Variants in SLC4A10 observed in about 807,000 individuals in gnomAD.
The protein encoded by SLC4A10 is sodium-driven chloride bicarbonate exchanger.
SLC4A10 carries 42 observed loss-of-function variants against 137.7 expected under a neutral mutation model. The observed-to-expected ratio is 0.30, with a 90% confidence interval of 0.24 to 0.39. The LOEUF is 0.39. SLC4A10 is among the 10% of genes least tolerant of loss of function. The probability of loss-of-function intolerance (pLI) is 1.00; values close to 1 mark genes in which losing one functional copy is unlikely to be tolerated. For synonymous variants in SLC4A10, 474 were observed against 464.1 expected, an observed-to-expected ratio of 1.02 and a Z score of -0.27; for missense variants, 925 against 1,355.0, an observed-to-expected ratio of 0.68 and a Z score of 4.98.
chr2:161,834,957 A>G (rs2058670109), intron 3 of SLC4A10, among the ~76,000 whole-genome samples: 2 of 151,940 alleles, frequency 1.3e-5, no homozygotes. Context: ...TCTAACTGAC[A>G]TCGGTCCATT....
chr2:161,920,505 A>G (rs1298818743), intron 15 of SLC4A10, among the ~76,000 whole-genome samples: 3 of 152,218 alleles, frequency 2.0e-5, no homozygotes, highest in African/African-American at 7.2e-5. Flanking sequence ...AAGGGTTGCA[A>G]AAGAGTTCAC....
intron 11 of SLC4A10, among the ~76,000 whole-genome samples, chr2:161,898,163 A>T (rs920598547): frequency 1.3e-5 from 2 of 152,144 alleles, no homozygotes; most frequent in African/African-American, 4.8e-5. Context: ...GTTCTGTATC[A>T]GCACTGTCCA....
chr2:161,672,839 T>C (rs956948571), intron 1 of SLC4A10, among the ~76,000 whole-genome samples: 26 of 152,196 alleles, frequency 1.7e-4, no homozygotes, highest in African/African-American at 6.3e-4. Context: ...TTTTTGATCT[T>C]TTTCATTTAA....
At chr2:161,652,296 T>C (rs1476796083) in intron 1 of SLC4A10, among the ~76,000 whole-genome samples, 1 of 152,218 alleles carries the variant, frequency 6.6e-6, no homozygotes, top group Non-Finnish European at 1.5e-5. Context: ...TCATGCATAT[T>C]TCTTTTACAC....
At chr2:161,674,669 T>C (rs940291817) in intron 1 of SLC4A10, among the ~76,000 whole-genome samples, 1 of 152,222 alleles carries the variant, frequency 6.6e-6, no homozygotes, top group Non-Finnish European at 1.5e-5. Flanking sequence ...AAGAAATATA[T>C]GCATGGTCTG....
chr2:161,744,610 C>T (rs2048224206), intron 1 of SLC4A10, among the ~76,000 whole-genome samples: 1 of 151,952 alleles, frequency 6.6e-6, no homozygotes, highest in Non-Finnish European at 1.5e-5. Flanking sequence ...TTATTTAAAG[C>T]TACTATGAGG....
intron 4 of SLC4A10, 47 bp downstream of exon 4, chr2:161,839,974 G>A: frequency 6.2e-7 from 1 of 1,601,840 alleles, no homozygotes. Context: ...GAATTTTCAT[G>A]TTACTAGAAA....
rs2041669768 is a variant in SLC4A10 at position 161,688,545 on chromosome 2, A to T, written c.48+63979A>T. ...TTGTTCTCTAAATTTGTTAGGTAAA[A>T]CAATTTCATAATCAATACTATATTT... On this transcript the variant is annotated intron_variant, in intron 1 of 26. Transcript: ENST00000446997. Among the ~76,000 whole-genome samples, 3 of 152,150 alleles carry T rather than the reference A, an allele frequency of 2.0e-5. No individual in the cohort carries two copies. In the East Asian group the frequency reaches 5.8e-4, roughly 29 times the overall value.
At chr2:161,944,847 G>T (rs1013423455) in intron 16 of SLC4A10, among the ~76,000 whole-genome samples, 1 of 151,316 alleles carries the variant, frequency 6.6e-6, no homozygotes, top group African/African-American at 2.4e-5. Context: ...TATTCATAAT[G>T]TCATCAAAAA....
chr2:161,693,669 C>CTTT (rs774199734), intron 1 of SLC4A10, among the ~76,000 whole-genome samples: 36 of 115,212 alleles, frequency 3.1e-4, no homozygotes, highest in South Asian at 5.5e-4. Flanking sequence ...ACAAATTCGA[C>CTTT]TTTTTTTTTT....
At chr2:161,816,503 A>C (rs541258466) in intron 3 of SLC4A10, among the ~76,000 whole-genome samples, 170 of 152,150 alleles carry the variant, frequency 1.1e-3, no homozygotes, top group Non-Finnish European at 1.6e-3. Context: ...TTATACTTTA[A>C]GTTTTAGGGT....
intron 24 of SLC4A10, among the ~76,000 whole-genome samples, chr2:161,975,137 A>G (rs545721123): frequency 7.2e-4 from 109 of 152,338 alleles, no homozygotes; most frequent in African/African-American, 2.6e-3. Flanking sequence ...TATATTCCCT[A>G]GAATTTAAGA....
At chr2:161,844,674 C>T (rs1332411988) in intron 4 of SLC4A10, among the ~76,000 whole-genome samples, 2 of 151,990 alleles carry the variant, frequency 1.3e-5, no homozygotes, top group Non-Finnish European at 2.9e-5. Flanking sequence ...GAGTTAAGTT[C>T]TCTAGAAAAA....
At chr2:161,689,256 T>C (rs1270010709) in intron 1 of SLC4A10, among the ~76,000 whole-genome samples, 3 of 152,186 alleles carry the variant, frequency 2.0e-5, no homozygotes, top group Non-Finnish European at 4.4e-5. Flanking sequence ...TATACAATTA[T>C]GTCCTAGGCC....
At position 161,757,378 on chromosome 2, in the gene SLC4A10, A is replaced by G. The variant is rs150098482; in HGVS notation, c.49-13595A>G. Among the ~76,000 whole-genome samples the G allele has an allele frequency of 5.6e-3, 857 of 152,264 alleles. 10 individuals are homozygous for G. The highest frequency in any genetic ancestry group is 0.019 in the African/African-American group (799 of 41,564). On this transcript the variant is annotated intron_variant, in intron 1 of 26. Transcript: ENST00000446997. Reference sequence around the variant, plus strand: ...TTTTAAATTAAGCTCCTGATTCTTCATCTTTGAAGTGGGGATCAAAATATT... The same window carrying G: ...TTTTAAATTAAGCTCCTGATTCTTCGTCTTTGAAGTGGGGATCAAAATATT...
chr2:161,889,902 C>T (rs2062738221), intron 10 of SLC4A10, among the ~76,000 whole-genome samples: 1 of 152,124 alleles, frequency 6.6e-6, no homozygotes, highest in African/African-American at 2.4e-5. Context: ...TTAGATCTTT[C>T]CTGCTTTCTT....
intron 2 of SLC4A10, among the ~76,000 whole-genome samples, chr2:161,779,456 G>A (rs1002060550): frequency 1.3e-5 from 2 of 152,026 alleles, no homozygotes; most frequent in Non-Finnish European, 2.9e-5. Flanking sequence ...TCTATCAATG[G>A]CAGTATTCTC....
chr2:161,665,601 A>G (rs1335993964), intron 1 of SLC4A10, among the ~76,000 whole-genome samples: 6 of 151,786 alleles, frequency 4.0e-5, no homozygotes, highest in Admixed American at 3.9e-4. Flanking sequence ...GGTTGAATGT[A>G]TAGTAGTAGA....
intron 1 of SLC4A10, among the ~76,000 whole-genome samples, chr2:161,737,042 GGA>G (rs1053184112): frequency 6.6e-6 from 1 of 150,794 alleles, no homozygotes; most frequent in African/African-American, 2.4e-5. Flanking sequence ...TTTTTTCCAT[GGA>G]GACAGTGTCT....
Sources: allele counts gnomAD v4.1 joint callset (sites outside exome capture counted in the v4.1 genomes callset), GRCh38; gene constraint gnomAD v4.1.1; transcripts MANE v1.5; gene names NCBI Gene and HGNC (gene_info 2026-07-23, HGNC 2026-07-21).